Variants in ZAR1L observed in about 807,000 individuals in gnomAD.
ZAR1L encodes zygote arrest 1 like.
In ZAR1L, 16 loss-of-function variants were observed where a neutral mutation model predicts 30.0. The observed-to-expected ratio is 0.53, with a 90% confidence interval of 0.36 to 0.81. ZAR1L has a LOEUF of 0.81. ZAR1L is among the 30% of genes least tolerant of loss of function. ZAR1L has a pLI of 0.00. For synonymous variants in ZAR1L, 197 were observed against 166.8 expected, an observed-to-expected ratio of 1.18 and a Z score of -1.40; for missense variants, 392 against 417.2, an observed-to-expected ratio of 0.94 and a Z score of 0.53.
At chr13:32,310,377 C>T (rs185539576) in intron 4 of ZAR1L, among the ~76,000 whole-genome samples, 1 of 152,226 alleles carries the variant, frequency 6.6e-6, no homozygotes, top group Admixed American at 6.5e-5. Flanking sequence ...GAAAAACTTC[C>T]AATGTAGACA....
chr13:32,304,732 C>T (rs2072161227), intron 5 of ZAR1L, among the ~76,000 whole-genome samples: 1 of 152,070 alleles, frequency 6.6e-6, no homozygotes, highest in Non-Finnish European at 1.5e-5. Flanking sequence ...TGGTACAGTA[C>T]CCTGGTTCCA....
rs2072215699 is a variant in ZAR1L, at chr13:32,311,772, G to A, written c.154C>T (p.Pro52Ser). Residue 52 changes from proline to serine, a missense_variant, in exon 3 of 6, where the codon CCC (proline) becomes TCC (serine). Pro to Ser is a moderately conservative substitution (Grantham distance 74). Coordinates refer to ENST00000533490, the MANE Select transcript of ZAR1L (RefSeq NM_001136571.2). ...ATGCAGTAGTCAGGGGCGTTCGCGG[G>A]CACCAGCAGCCCTGGCCTGGCCAGA... ...TFLARPGLLV[P>S]ANAPDYCIDP... 1 of 1,551,688 alleles carries A rather than the reference G, an allele frequency of 6.4e-7. No homozygotes were observed. Among genetic ancestry groups the A allele is most frequent in the South Asian group, 1.2e-5 (1 of 84,068 alleles).
chr13:32,304,500 G>T (rs370366731), intron 5 of ZAR1L, among the ~76,000 whole-genome samples: 3 of 152,178 alleles, frequency 2.0e-5, no homozygotes, highest in African/African-American at 7.2e-5. Flanking sequence ...TCAACCAGGG[G>T]TGATTTTACT....
At position 32,311,315 on chromosome 13, in the gene ZAR1L, G is replaced by A. The variant is rs2072210474; in HGVS notation, c.611C>T (p.Pro204Leu). 1 of 1,550,370 alleles carries A rather than the reference G, an allele frequency of 6.5e-7. No homozygotes were observed. Among genetic ancestry groups the A allele is most frequent in the South Asian group, 1.2e-5 (1 of 84,020 alleles). Reference protein sequence around the residue: ...CPQETKSKQVPGDAASEPLRR... With the variant: ...CPQETKSKQVLGDAASEPLRR... ...GAGCGGCTCGGAGGCGGCGTCTCCA[G>A]GCACCTGCTTGCTCTTCGTCTCCTG... is the stretch of plus-strand genomic sequence containing the variant. The change falls in exon 3 of 6, where the codon CCT becomes CTT. Residue 204 changes from proline to leucine, a missense_variant. Coordinates refer to ENST00000533490, the MANE Select transcript of ZAR1L (RefSeq NM_001136571.2).
Position 32,313,941 on chromosome 13 carries a change from G to A in ZAR1L, c.-169+389C>T, listed in dbSNP as rs529663614. Reference sequence around the variant, plus strand: ...CCCTCCCCCACAAAAAGGGGACAAAGCATATTGTTCTGATTTATAGGGTAA... The same window carrying A: ...CCCTCCCCCACAAAAAGGGGACAAAACATATTGTTCTGATTTATAGGGTAA... On this transcript the variant is annotated intron_variant, in intron 2 of 5. Transcript: ENST00000533490. 1.1e-4 allele frequency among the ~76,000 whole-genome samples: 17 copies of A among 152,316 alleles called. No homozygotes were observed. The South Asian group carries it at 3.1e-3, about 28-fold the overall frequency.
At chr13:32,308,573 A>G in intron 5 of ZAR1L, 113 bp downstream of exon 5, 1 of 739,090 alleles carries the variant, frequency 1.4e-6, no homozygotes, top group Non-Finnish European at 2.2e-6. Flanking sequence ...CATCTCAAAC[A>G]TACAGAACAC....
chr13:32,310,685 G>A lies in ZAR1L; in HGVS notation c.701C>T (p.Thr234Ile). ...CCACACGTAAGCACTCTCCCACCTG[G>A]TCTTACAATCTTTACAGTGGAAATA... ...YGYFHCKDCK[T>I]RWESAYVWCI... The change falls in exon 4 of 6, where the codon ACC becomes ATC. Residue 234 changes from threonine to isoleucine, a missense_variant. Coordinates refer to ENST00000533490, the MANE Select transcript of ZAR1L (RefSeq NM_001136571.2). The A allele has an allele frequency of 1.3e-6, 2 of 1,551,556 alleles. No individual in the cohort carries two copies. The highest frequency in any genetic ancestry group is 1.7e-6 in the Non-Finnish European group (2 of 1,146,914).
In ZAR1L at chr13:32,312,079, C is replaced by A; in HGVS notation, c.-154G>T. 4 of 886,628 alleles carry A rather than the reference C, an allele frequency of 4.5e-6. No homozygotes were observed. Among genetic ancestry groups the A allele is most frequent in the South Asian group, 3.7e-5 (2 of 54,584 alleles). The allele number at this position is 886,628 out of a possible 1,614,324, so 54.9% of individuals were successfully genotyped here. On this transcript the variant is annotated 5_prime_UTR_variant, in exon 3 of 6. Transcript: ENST00000533490. ...CATTTATTTCAGATTCTAATGGGAG[C>A]TGCTGCTTATTACCCTGATTGAGGG...
Position 32,303,731 on chromosome 13 carries a change from A to G in ZAR1L, c.*148T>C. On this transcript the variant is annotated 3_prime_UTR_variant, in exon 6 of 6. Transcript: ENST00000533490. ...CACATGCATTTATTTTATTCTATTCACATTGTACAATTGTTACACAATCTA... is the reference window on the plus strand; with the variant it reads ...CACATGCATTTATTTTATTCTATTCGCATTGTACAATTGTTACACAATCTA... 3 of 719,352 alleles carry G rather than the reference A, an allele frequency of 4.2e-6. No individual in the cohort carries two copies. Among genetic ancestry groups the G allele is most frequent in the Non-Finnish European group, 6.6e-6 (3 of 454,372 alleles). The allele number at this position is 719,352 out of a possible 1,614,324, so 44.6% of individuals were successfully genotyped here. A position where few individuals can be genotyped will look rare whatever the true frequency, so the allele number is the denominator to read the frequency against.
intron 2 of ZAR1L, among the ~76,000 whole-genome samples, chr13:32,312,774 A>G (rs1177667351): frequency 4.6e-5 from 7 of 152,132 alleles, no homozygotes; most frequent in African/African-American, 1.7e-4. Context: ...GCTACTCGGG[A>G]GGCTGAGGCT....
At chr13:32,305,478 G>A (rs562824522) in intron 5 of ZAR1L, among the ~76,000 whole-genome samples, 4 of 152,170 alleles carry the variant, frequency 2.6e-5, no homozygotes, top group South Asian at 2.1e-4. Context: ...CACCCGCCTC[G>A]GCCTCCCAAA....
rs768338220 is a variant in ZAR1L, at chr13:32,312,034, A to C, written c.-109T>G. 5.6e-6 allele frequency: 7 copies of C among 1,260,382 alleles called. No individual in the cohort carries two copies. The highest frequency in any genetic ancestry group is 7.5e-6 in the Non-Finnish European group (7 of 936,274). 78.1% of individuals were successfully genotyped at this position (1,260,382 alleles called of 1,614,324 possible). On this transcript the variant is annotated 5_prime_UTR_variant, in exon 3 of 6. Coordinates refer to ENST00000533490, the MANE Select transcript of ZAR1L (RefSeq NM_001136571.2). ...TTCTTTCTCTTCATCAGGTTGGTTC[A>C]GATTCATTCCTGGCTTCTCCATTTA... is the stretch of plus-strand genomic sequence containing the variant.
chr13:32,307,231 C>T (rs1322445409), intron 5 of ZAR1L, among the ~76,000 whole-genome samples: 1 of 151,900 alleles, frequency 6.6e-6, no homozygotes, highest in Non-Finnish European at 1.5e-5. Context: ...AGGCTGAGCG[C>T]AGTGGCTTAC....
At chr13:32,304,839 C>T (rs931474352) in intron 5 of ZAR1L, among the ~76,000 whole-genome samples, 5 of 143,478 alleles carry the variant, frequency 3.5e-5, no homozygotes, top group East Asian at 2.0e-4. Flanking sequence ...AATGGAGTCT[C>T]GCTCTGTCGC....
Position 32,312,062 on chromosome 13 carries a change from T to C in ZAR1L, c.-137A>G. 2 of 1,054,634 alleles carry C rather than the reference T, an allele frequency of 1.9e-6. No homozygotes were observed. Among genetic ancestry groups the C allele is most frequent in the Non-Finnish European group, 2.7e-6 (2 of 753,700 alleles). 65.3% of individuals were successfully genotyped at this position (1,054,634 alleles called of 1,614,324 possible). A position where few individuals can be genotyped will look rare whatever the true frequency, so the allele number is the denominator to read the frequency against. ...TTCATTCCTGGCTTCTCCATTTATTTCAGATTCTAATGGGAGCTGCTGCTT... is the reference window on the plus strand; with the variant it reads ...TTCATTCCTGGCTTCTCCATTTATTCCAGATTCTAATGGGAGCTGCTGCTT... On this transcript the variant is annotated 5_prime_UTR_variant, in exon 3 of 6. Transcript: ENST00000533490.
At chr13:32,308,881 C>T (rs2072193980) in intron 4 of ZAR1L, 121 bp from the exon 5 acceptor site, 2 of 657,192 alleles carry the variant, frequency 3.0e-6, no homozygotes, top group Admixed American at 2.7e-5. Flanking sequence ...CCTTGCCTTG[C>T]CTTTTATCTT....
intron 4 of ZAR1L, 48 bp downstream of exon 4, chr13:32,310,591 A>C (rs2138688725): frequency 7.9e-7 from 1 of 1,267,840 alleles, no homozygotes; most frequent in South Asian, 1.3e-5. Flanking sequence ...CCCGCTTACC[A>C]TCCGTGCCCA....
intron 1 of ZAR1L, 55 bp from the exon 2 acceptor site, chr13:32,314,605 C>G (rs973128836): frequency 2.0e-4 from 30 of 152,228 alleles, no homozygotes; most frequent in African/African-American, 6.8e-4. Flanking sequence ...AATCCCAGCG[C>G]TTTGGGAGGC....
chr13:32,310,737 A>T lies in ZAR1L; in HGVS notation c.655-6T>A. ...CCATATTTTGGTTCCAAAAACTGAAAATAAAGAAGAAAAGTACTTTACCAT... is the reference window on the plus strand; with the variant it reads ...CCATATTTTGGTTCCAAAAACTGAATATAAAGAAGAAAAGTACTTTACCAT... On this transcript the variant is annotated splice_polypyrimidine_tract_variant and splice_region_variant and intron_variant, in intron 3 of 5. Coordinates refer to ENST00000533490, the MANE Select transcript of ZAR1L (RefSeq NM_001136571.2). 2 of 1,538,608 alleles carry T rather than the reference A, an allele frequency of 1.3e-6. No individual in the cohort carries two copies. The highest frequency in any genetic ancestry group is 8.8e-7 in the Non-Finnish European group (1 of 1,135,056).
Sources: gnomAD v4.1 joint callset for allele counts (sites outside exome capture counted in the v4.1 genomes callset) on GRCh38, gnomAD v4.1.1 for gene constraint, MANE v1.5 for transcripts, NCBI Gene and HGNC (gene_info 2026-07-23, HGNC 2026-07-21) for gene names.